TAOK3: variants seen among roughly 807,000 people sequenced by gnomAD.
TAOK3 encodes TAO kinase 3.
In TAOK3, 40 loss-of-function variants were observed where a neutral mutation model predicts 120.4. The ratio of observed to expected loss-of-function variants is 0.33; its 90% CI spans 0.26 to 0.43. TAOK3 has a LOEUF of 0.43. TAOK3 is among the 20% of genes least tolerant of loss of function. The pLI is 1.00. For missense variants in TAOK3, 821 were observed against 1,112.1 expected (o/e 0.74, Z 3.72); for synonymous variants, 355 against 387.5 (o/e 0.92, Z 0.99).
At chr12:118,266,789 T>G (rs1411409448) in intron 1 of TAOK3, 30 bp from the exon 2 acceptor site, 1 of 394,122 alleles carries the variant, frequency 2.5e-6, no homozygotes, top group East Asian at 3.6e-5. Flanking sequence ...AAATACATAA[T>G]TATCAGCCAA....
intron 9 of TAOK3, among the ~76,000 whole-genome samples, chr12:118,221,811 T>G (rs573274537): frequency 9.9e-5 from 15 of 151,564 alleles, no homozygotes; most frequent in Non-Finnish European, 8.8e-5. Context: ...ATTTTTTGTA[T>G]TTTTAGTAGA....
chr12:118,182,623 A>ATATATATATATTT (rs371125415), intron 14 of TAOK3, among the ~76,000 whole-genome samples: 1 of 92,388 alleles, frequency 1.1e-5, no homozygotes, highest in East Asian at 3.6e-4. Context: ...ATATATATAT[A>ATATATATATATTT]TTTTTTTTTT....
At chr12:118,267,608 C>T (rs1446179662) in intron 1 of TAOK3, among the ~76,000 whole-genome samples, 7 of 150,986 alleles carry the variant, frequency 4.6e-5, no homozygotes, top group Admixed American at 1.3e-4. Flanking sequence ...AAAATCCGGC[C>T]GGACGCAGTG....
chr12:118,153,017 A>G (rs1255777272), intron 19 of TAOK3, among the ~76,000 whole-genome samples: 2 of 152,234 alleles, frequency 1.3e-5, no homozygotes, highest in Non-Finnish European at 1.5e-5. Flanking sequence ...CTTGAGGAAT[A>G]TACCACAGTA....
intron 3 of TAOK3, among the ~76,000 whole-genome samples, chr12:118,247,404 C>G (rs529715150): frequency 6.6e-6 from 1 of 152,172 alleles, no homozygotes; most frequent in South Asian, 2.1e-4. Context: ...TGTAACAGTT[C>G]ATTGAAAGTA....
At chr12:118,330,074 T>C (rs1328903405) in intron 1 of TAOK3, among the ~76,000 whole-genome samples, 1 of 152,224 alleles carries the variant, frequency 6.6e-6, no homozygotes, top group Non-Finnish European at 1.5e-5. Flanking sequence ...ATGCATGCTT[T>C]CTAGAAAATA....
In TAOK3 at chr12:118,371,671, C is replaced by G. The variant is rs2045897925; in HGVS notation, c.-194+977G>C. On this transcript the variant is annotated intron_variant, in intron 1 of 20. Coordinates refer to ENST00000392533, the MANE Select transcript of TAOK3 (RefSeq NM_016281.4). The surrounding 1 kb of genome is among the most constrained non-coding windows in gnomAD (Gnocchi z 5.5). ...CGCCGCGACTGCGACCCAGGCTCCCCGCCGCAGCCGTTCTTGGGGGGGCTC... is the reference window on the plus strand; with the variant it reads ...CGCCGCGACTGCGACCCAGGCTCCCGGCCGCAGCCGTTCTTGGGGGGGCTC... 1.3e-5 allele frequency among the ~76,000 whole-genome samples: 2 copies of G among 152,106 alleles called. No individual in the cohort carries two copies.
chr12:118,152,631 A>AT, intron 19 of TAOK3: 2 of 491,912 alleles, frequency 4.1e-6, no homozygotes, highest in Non-Finnish European at 3.6e-6. Flanking sequence ...GTATGATCTG[A>AT]AACCACAGCA....
At chr12:118,324,331 T>C (rs745802988) in intron 1 of TAOK3, among the ~76,000 whole-genome samples, 10 of 152,180 alleles carry the variant, frequency 6.6e-5, no homozygotes, top group Non-Finnish European at 1.2e-4. Flanking sequence ...TTTTAAACTG[T>C]AGAAATATAC....
In TAOK3 at chr12:118,258,847, C is replaced by T. The variant is rs572967467; in HGVS notation, c.-88-3192G>A. Among the ~76,000 whole-genome samples the T allele has an allele frequency of 2.2e-4, 34 of 152,112 alleles. No homozygotes were observed. In the South Asian group the frequency reaches 6.8e-3, roughly 31 times the overall value. On this transcript the variant is annotated intron_variant, in intron 2 of 20. Transcript: ENST00000392533. ...CGTAAAAGGGAAATTATGAGACTAT[C>T]TTTAAGAAAATCAAAAAGACCTATG...
chr12:118,346,309 A>G (rs1339006356), intron 1 of TAOK3, among the ~76,000 whole-genome samples: 2 of 152,300 alleles, frequency 1.3e-5, no homozygotes, highest in Middle Eastern at 3.4e-3. Flanking sequence ...GAAACTCCCA[A>G]CATCAGGACT....
At position 118,244,896 on chromosome 12, in the gene TAOK3, C is replaced by A; in HGVS notation, c.190G>T (p.Glu64Ter). The A allele has an allele frequency of 1.2e-6, 2 of 1,603,658 alleles. No homozygotes were observed. Among genetic ancestry groups the A allele is most frequent in the South Asian group, 1.1e-5 (1 of 90,886 alleles). The change falls in exon 4 of 21, where the codon GAG becomes TAG. Residue 64 changes from glutamate to a stop codon, truncating the protein, a stop_gained and splice_region_variant. Transcript: ENST00000392533. LOFTEE classifies it high-confidence loss of function. ...KMSYSGKQTH[E>*]KWQDILKEVK... ...GTATACAACTGTCTCTATCTCACCT[C>A]ATGGGTCTGCTTCCCACTATAGGAC... is the stretch of plus-strand genomic sequence containing the variant.
At position 118,371,393 on chromosome 12, in the gene TAOK3, T is replaced by C. The variant is rs1483549995; in HGVS notation, c.-194+1255A>G. Among the ~76,000 whole-genome samples, 1 of 152,140 alleles carries C rather than the reference T, an allele frequency of 6.6e-6. No individual in the cohort carries two copies. The highest frequency in any genetic ancestry group is 1.5e-5 in the Non-Finnish European group (1 of 68,020). On this transcript the variant is annotated intron_variant, in intron 1 of 20. Coordinates refer to ENST00000392533, the MANE Select transcript of TAOK3 (RefSeq NM_016281.4). This position sits in a 1 kb window ranked among gnomAD's most constrained non-coding sequence, Gnocchi z 5.5. ...AACGAATGCGAAGCCAGCGGGCCAGTGAGAAGAGGTCAGGCCGCGCAGGTC... is the reference window on the plus strand; with the variant it reads ...AACGAATGCGAAGCCAGCGGGCCAGCGAGAAGAGGTCAGGCCGCGCAGGTC...
chr12:118,179,167 T>G (rs1242351102), intron 15 of TAOK3, among the ~76,000 whole-genome samples: 1 of 152,208 alleles, frequency 6.6e-6, no homozygotes, highest in Non-Finnish European at 1.5e-5. Flanking sequence ...ATCTTTCTTC[T>G]ACAACCTGAT....
intron 19 of TAOK3, among the ~76,000 whole-genome samples, chr12:118,153,486 C>T (rs1385000192): frequency 6.6e-6 from 1 of 152,146 alleles, no homozygotes. Flanking sequence ...GAAGCAGTGC[C>T]TGAACTTTGT....
In TAOK3 at chr12:118,160,426, A is replaced by G; in HGVS notation, c.2140-68T>C. ...TAAATACAGAAAGCCTTCTACCATA[A>G]TGATATAATACAAGTGCTGAGAGCG... On this transcript the variant is annotated intron_variant, in intron 18 of 20. Transcript: ENST00000392533. This position sits in a 1 kb window ranked among gnomAD's most constrained non-coding sequence, Gnocchi z 4.2. 7.6e-7 allele frequency: 1 copy of G among 1,311,374 alleles called. No homozygotes were observed. Among genetic ancestry groups the G allele is most frequent in the Non-Finnish European group, 1.1e-6 (1 of 922,622 alleles). The allele number at this position is 1,311,374 out of a possible 1,614,324, so 81.2% of individuals were successfully genotyped here.
chr12:118,314,311 A>G (rs2043370681), intron 1 of TAOK3, among the ~76,000 whole-genome samples: 1 of 152,222 alleles, frequency 6.6e-6, no homozygotes, highest in Admixed American at 6.5e-5. Context: ...AAGCAAATTC[A>G]ATATCTTATT....
chr12:118,356,471 T>C (rs1017480028), intron 1 of TAOK3, among the ~76,000 whole-genome samples: 1 of 152,014 alleles, frequency 6.6e-6, no homozygotes. Flanking sequence ...AGCTAATTTT[T>C]GTATTTTCAG....
intron 13 of TAOK3, among the ~76,000 whole-genome samples, chr12:118,194,025 T>C (rs553602072): frequency 6.6e-6 from 1 of 152,262 alleles, no homozygotes; most frequent in African/African-American, 2.4e-5. Flanking sequence ...TTTGAGAAAA[T>C]GACATTTTCT....
Sources: allele counts gnomAD v4.1 joint callset (sites outside exome capture counted in the v4.1 genomes callset), GRCh38; gene constraint gnomAD v4.1.1; non-coding constraint Gnocchi (gnomAD v3.1); transcripts MANE v1.5; gene names NCBI Gene and HGNC (gene_info 2026-07-23, HGNC 2026-07-21).